Variants in PCDHGB4 observed in about 807,000 individuals in gnomAD.
PCDHGB4 encodes protocadherin gamma-B4.
PCDHGB4 carries 38 observed loss-of-function variants against 60.5 expected under a neutral mutation model. That is an observed-to-expected ratio of 0.63 (90% confidence interval 0.48 to 0.82). PCDHGB4 has a LOEUF of 0.82. Ranked by LOEUF, PCDHGB4 falls within the 40% of genes least tolerant of loss-of-function variation. The pLI, the probability that PCDHGB4 is intolerant of heterozygous loss-of-function variation, is 0.00. For missense variants in PCDHGB4, 1,109 were observed against 1,209.6 expected (o/e 0.92, Z 1.23); for synonymous variants, 456 against 509.7 (o/e 0.89, Z 1.42).
At chr5:141,433,361 A>G (rs1208326325) in intron 1 of PCDHGB4, 15 of 297,508 alleles carry the variant, frequency 5.0e-5, no homozygotes, top group Non-Finnish European at 7.0e-5. Context: ...CTGTCTGCCT[A>G]TCTATCTATC....
chr5:141,420,147 C>T lies in PCDHGB4; in HGVS notation c.2397+29866C>T, dbSNP rs1480828845. On this transcript the variant is annotated intron_variant, in intron 1 of 3. Transcript: ENST00000519479. Reference sequence around the variant, plus strand: ...TGTGTGCCTGGGGATCAAATGAATCCAGAATTTAATTTTTTCACATCTGTT... The same window carrying T: ...TGTGTGCCTGGGGATCAAATGAATCTAGAATTTAATTTTTTCACATCTGTT... The T allele has an allele frequency of 2.5e-6, 4 of 1,613,848 alleles. No individual in the cohort carries two copies. The East Asian group carries it at 8.9e-5, about 36-fold the overall frequency.
intron 2 of PCDHGB4, among the ~76,000 whole-genome samples, chr5:141,495,826 A>G (rs1190417828): frequency 6.6e-6 from 1 of 150,888 alleles, no homozygotes; most frequent in African/African-American, 2.4e-5. Flanking sequence ...GTGTTCTTCT[A>G]TCCCCAGCCT....
intron 1 of PCDHGB4, chr5:141,403,954 C>A: frequency 6.2e-7 from 1 of 1,613,800 alleles, no homozygotes; most frequent in Non-Finnish European, 8.5e-7. Flanking sequence ...CAAAAGTGCT[C>A]ATTTCGGTGG....
intron 1 of PCDHGB4, chr5:141,420,220 A>G (rs2096478738): frequency 6.2e-7 from 1 of 1,608,142 alleles, no homozygotes; most frequent in African/African-American, 1.3e-5. Flanking sequence ...ATAGCATGCT[A>G]CTGGCTAGCA....
rs750804901 is a variant in PCDHGB4 at position 141,476,422 on chromosome 5, C to G, written c.2398-18385C>G. On this transcript the variant is annotated intron_variant, in intron 1 of 3. Coordinates refer to ENST00000519479, the MANE Select transcript of PCDHGB4 (RefSeq NM_003736.4). The surrounding 1 kb of genome is among the most constrained non-coding windows in gnomAD (Gnocchi z 7.6). ...GAGAGGAGCTGTGTGGGACACTGCC[C>G]TCTTGCACTGTAACTCTGGAGTTGG... 17 of 1,614,026 alleles carry G rather than the reference C, an allele frequency of 1.1e-5. No individual in the cohort carries two copies. The highest frequency in any genetic ancestry group is 1.4e-5 in the Non-Finnish European group (17 of 1,180,030).
At chr5:141,494,979 T>C in intron 2 of PCDHGB4, 114 bp downstream of exon 2, 1 of 1,571,464 alleles carries the variant, frequency 6.4e-7, no homozygotes, top group Admixed American at 1.8e-5. Flanking sequence ...TCCCTCAGTT[T>C]GAGATCCCAG....
At chr5:141,439,124 CAG>C (rs2098089371) in intron 1 of PCDHGB4, among the ~76,000 whole-genome samples, 1 of 150,004 alleles carries the variant, frequency 6.7e-6, no homozygotes, top group Non-Finnish European at 1.5e-5. Flanking sequence ...ACCCGGGAGA[CAG>C]AGGTTGCAGT....
chr5:141,409,659 A>C, intron 1 of PCDHGB4: 1 of 1,613,574 alleles, frequency 6.2e-7, no homozygotes, highest in Non-Finnish European at 8.5e-7. Flanking sequence ...CTCAATGGCC[A>C]CATCTCCTAC....
intron 1 of PCDHGB4, chr5:141,412,940 T>G: frequency 2.2e-6 from 1 of 463,218 alleles, no homozygotes; most frequent in Non-Finnish European, 3.8e-6. Context: ...CTTAGGACTC[T>G]GAGCGCCGCT....
intron 1 of PCDHGB4, among the ~76,000 whole-genome samples, chr5:141,447,375 T>C (rs1431576261): frequency 6.6e-6 from 1 of 152,030 alleles, no homozygotes; most frequent in African/African-American, 2.4e-5. Context: ...CTGACCCTGG[T>C]GATCTGCCCA....
intron 1 of PCDHGB4, among the ~76,000 whole-genome samples, chr5:141,450,082 C>T (rs2098668421): frequency 6.8e-6 from 1 of 147,384 alleles, no homozygotes. Context: ...TCTTGGCTCA[C>T]TGCAACCTCC....
intron 1 of PCDHGB4, among the ~76,000 whole-genome samples, chr5:141,469,909 C>G (rs760329158): frequency 2.0e-5 from 3 of 152,120 alleles, no homozygotes; most frequent in Non-Finnish European, 2.9e-5. Context: ...GGCAGGCAGA[C>G]CACCCGAGGT....
In PCDHGB4 at chr5:141,389,463, G is replaced by A. The variant is rs1201903320; in HGVS notation, c.1579G>A (p.Glu527Lys). ...CGACCACGAGCAGCTGCGCGCCTTC[G>A]AACTCACACTGCAGGCCCGCGACCA... The part of the protein sequence containing the change: ...AFDHEQLRAF[E>K]LTLQARDQGS... The change falls in exon 1 of 4, where the codon GAA becomes AAA. Residue 527 changes from glutamate to lysine, a missense_variant. Physicochemically the swap from Glu to Lys is moderately conservative, Grantham distance 56 (BLOSUM62 1). Around this residue, in one of 2 missense-constraint regions of PCDHGB4, gnomAD observed 1,068 missense variants for 1,089.9 expected, o/e 0.98. Transcript: ENST00000519479. The A allele has an allele frequency of 4.3e-6, 7 of 1,613,192 alleles. No individual in the cohort carries two copies. Among genetic ancestry groups the A allele is most frequent in the South Asian group, 1.1e-5 (1 of 91,072 alleles).
intron 1 of PCDHGB4, among the ~76,000 whole-genome samples, chr5:141,452,815 A>G (rs1199990390): frequency 6.6e-6 from 1 of 152,186 alleles, no homozygotes; most frequent in Admixed American, 6.5e-5. Flanking sequence ...TTTGTTCATA[A>G]GAAGCAAAAT....
rs1404656316 is a variant in PCDHGB4 at position 141,486,648 on chromosome 5, A to G, written c.2398-8159A>G. 6.2e-7 allele frequency: 1 copy of G among 1,613,298 alleles called. No individual in the cohort carries two copies. The highest frequency in any genetic ancestry group is 8.5e-7 in the Non-Finnish European group (1 of 1,179,892). The stretch of plus-strand genomic sequence containing the variant: ...TCTGGCTTGAATGCGCTTATCTCCT[A>G]CTCACTCCTGGAGCCCAGGAATCGA... On this transcript the variant is annotated intron_variant, in intron 1 of 3. Coordinates refer to ENST00000519479, the MANE Select transcript of PCDHGB4 (RefSeq NM_003736.4). This position sits in a 1 kb window ranked among gnomAD's most constrained non-coding sequence, Gnocchi z 5.0.
At chr5:141,440,115 A>G (rs921555018) in intron 1 of PCDHGB4, 4 of 152,250 alleles carry the variant, frequency 2.6e-5, no homozygotes, top group African/African-American at 4.8e-5. Flanking sequence ...TTACTTGTGA[A>G]TGACTGAATG....
At chr5:141,397,241 A>G (rs907539043) in intron 1 of PCDHGB4, among the ~76,000 whole-genome samples, 1 of 152,232 alleles carries the variant, frequency 6.6e-6, no homozygotes, top group Admixed American at 6.5e-5. Context: ...AGAGCAACGT[A>G]GTAGGGTATA....
intron 1 of PCDHGB4, chr5:141,420,202 C>T (rs2096476837): frequency 6.2e-7 from 1 of 1,613,136 alleles, no homozygotes. Flanking sequence ...AAGATAACCT[C>T]AACAAAGATA....
intron 1 of PCDHGB4, among the ~76,000 whole-genome samples, chr5:141,450,363 T>C (rs2098678373): frequency 6.6e-6 from 1 of 152,162 alleles, no homozygotes; most frequent in Admixed American, 6.5e-5. Flanking sequence ...TTCCTCAGCC[T>C]TGTTTGTTTA....
Sources: gnomAD v4.1 joint callset for allele counts (sites outside exome capture counted in the v4.1 genomes callset) on GRCh38, gnomAD v4.1.1 for gene constraint, gnomAD v4.1.1 regional missense constraint, Gnocchi (gnomAD v3.1) non-coding constraint, MANE v1.5 for transcripts, NCBI Gene and HGNC (gene_info 2026-07-23, HGNC 2026-07-21) for gene names.